Variants in CPEB3 observed in about 807,000 individuals in gnomAD.
The protein encoded by CPEB3 is cytoplasmic polyadenylation element binding protein 3, also known as cytoplasmic polyadenylation element-binding protein 3.
A neutral mutation model predicts 67.2 loss-of-function variants in CPEB3; 20 were observed. That is an observed-to-expected ratio of 0.30 (90% CI 0.21 to 0.43). The LOEUF (loss-of-function observed/expected upper bound fraction) is 0.43. CPEB3 is among the 20% of genes least tolerant of loss of function. The pLI, the probability that CPEB3 is intolerant of heterozygous loss-of-function variation, is 1.00. For synonymous variants in CPEB3, 376 were observed against 393.1 expected (o/e 0.96, Z 0.51); for missense variants, 746 against 968.6 (o/e 0.77, Z 3.05).
At chr10:92,121,175 A>AT (rs1845357640) in intron 6 of CPEB3, among the ~76,000 whole-genome samples, 3 of 150,968 alleles carry the variant, frequency 2.0e-5, no homozygotes, top group Admixed American at 1.3e-4. Context: ...CACCCAGCTA[A>AT]TTTTTTGTAT....
chr10:92,077,822 G>A (rs1033828272), intron 9 of CPEB3, among the ~76,000 whole-genome samples: 1 of 150,344 alleles, frequency 6.7e-6, no homozygotes, highest in Non-Finnish European at 1.5e-5. Flanking sequence ...GAGAGGGGAG[G>A]GGAGTGAAGG....
At chr10:92,223,804 A>G (rs1850827014) in intron 2 of CPEB3, among the ~76,000 whole-genome samples, 1 of 149,838 alleles carries the variant, frequency 6.7e-6, no homozygotes, top group African/African-American at 2.5e-5. Flanking sequence ...GCTGGAGTGC[A>G]ATGATGTGAT....
In CPEB3 at chr10:92,133,262, A is replaced by C. The variant is rs530730195; in HGVS notation, c.1453+9767T>G. 3.9e-5 allele frequency among the ~76,000 whole-genome samples: 6 copies of C among 152,320 alleles called. No individual in the cohort carries two copies. In the South Asian group the frequency reaches 1.2e-3, roughly 32 times the overall value. On this transcript the variant is annotated intron_variant, in intron 6 of 9. Coordinates refer to ENST00000265997, the MANE Select transcript of CPEB3 (RefSeq NM_014912.5). ...TTCTGAAAAGATCAACAAAATTGAT[A>C]GACTGCTAGCAAGACTAATAAAGAA... is the stretch of plus-strand genomic sequence containing the variant.
chr10:92,098,025 G>T (rs1843963543), intron 7 of CPEB3, among the ~76,000 whole-genome samples: 1 of 151,542 alleles, frequency 6.6e-6, no homozygotes, highest in African/African-American at 2.4e-5. Context: ...GTCAGGCATG[G>T]TGGTGCATGC....
intron 7 of CPEB3, among the ~76,000 whole-genome samples, chr10:92,094,911 C>T (rs895737711): frequency 1.4e-4 from 21 of 152,028 alleles, no homozygotes; most frequent in African/African-American, 3.6e-4. Flanking sequence ...AAGGCAGCTT[C>T]GGGACCTGGT....
chr10:92,252,856 A>C (rs1852357419), intron 1 of CPEB3, among the ~76,000 whole-genome samples: 1 of 152,158 alleles, frequency 6.6e-6, no homozygotes, highest in South Asian at 2.1e-4. Context: ...CATAAATTGC[A>C]TGAATGCAAT....
intron 9 of CPEB3, among the ~76,000 whole-genome samples, chr10:92,055,182 C>T (rs182515904): frequency 7.7e-4 from 117 of 152,276 alleles, no homozygotes; most frequent in Non-Finnish European, 4.1e-4. Context: ...TTTGAAAATG[C>T]AGTATTAATA....
intron 9 of CPEB3, among the ~76,000 whole-genome samples, chr10:92,063,588 C>T (rs1842438373): frequency 6.6e-6 from 1 of 151,850 alleles, no homozygotes; most frequent in South Asian, 2.1e-4. Flanking sequence ...CATGGTGAAA[C>T]CCCCGTCTCT....
intron 2 of CPEB3, among the ~76,000 whole-genome samples, chr10:92,238,461 T>A (rs750292228): frequency 3.5e-4 from 53 of 152,190 alleles, no homozygotes; most frequent in Non-Finnish European, 3.8e-4. Context: ...TTCATTAAAG[T>A]TGCAAGACTT....
rs773551839 is a variant in CPEB3, at chr10:92,192,681, T to C, written c.1006-45A>G. The C allele has an allele frequency of 3.1e-5, 45 of 1,446,914 alleles. No homozygotes were observed. In the South Asian group the frequency reaches 5.0e-4, roughly 16 times the overall value. The allele number at this position is 1,446,914 out of a possible 1,614,324, so 89.6% of individuals were successfully genotyped here. On this transcript the variant is annotated intron_variant, in intron 2 of 9. Transcript: ENST00000265997. Reference sequence around the variant, plus strand: ...CAAGACAATACATAAAATTACTTCATAAAATTAACACCATATCATTTGCTT... The same window carrying C: ...CAAGACAATACATAAAATTACTTCACAAAATTAACACCATATCATTTGCTT...
intron 2 of CPEB3, among the ~76,000 whole-genome samples, chr10:92,211,944 G>A (rs990915172): frequency 1.3e-5 from 2 of 151,146 alleles, no homozygotes; most frequent in African/African-American, 4.9e-5. Context: ...TCGACTCACT[G>A]CAACCTCCAC....
At chr10:92,168,241 G>C (rs960258555) in intron 4 of CPEB3, among the ~76,000 whole-genome samples, 1 of 152,150 alleles carries the variant, frequency 6.6e-6, no homozygotes, top group Non-Finnish European at 1.5e-5. Flanking sequence ...CTGAACTTTT[G>C]CAACATTCTG....
rs766621786 is a variant in CPEB3, at chr10:92,240,358, G to A, written c.-8C>T. 6.2e-6 allele frequency: 9 copies of A among 1,445,920 alleles called. No individual in the cohort carries two copies. Among genetic ancestry groups the A allele is most frequent in the Non-Finnish European group, 8.2e-6 (9 of 1,096,154 alleles). 89.6% of individuals were successfully genotyped at this position (1,445,920 alleles called of 1,614,324 possible). On this transcript the variant is annotated 5_prime_UTR_variant, in exon 2 of 10. Coordinates refer to ENST00000265997, the MANE Select transcript of CPEB3 (RefSeq NM_014912.5). ...CAGTAAATCATCCTGCATGGTTTGCGCAGCTGAAACGGGAAAAAAGAGAGA... is the reference window on the plus strand; with the variant it reads ...CAGTAAATCATCCTGCATGGTTTGCACAGCTGAAACGGGAAAAAAGAGAGA...
chr10:92,082,260 AT>A, intron 8 of CPEB3, among the ~76,000 whole-genome samples: 1 of 142,950 alleles, frequency 7.0e-6, no homozygotes, highest in Non-Finnish European at 1.5e-5. Context: ...TCTTCTAAAT[AT>A]GCCTTTGTTT....
chr10:92,062,410 G>A (rs1842390200), intron 9 of CPEB3, among the ~76,000 whole-genome samples: 1 of 152,092 alleles, frequency 6.6e-6, no homozygotes, highest in Non-Finnish European at 1.5e-5. Context: ...CTGCATGAAG[G>A]AGATGGGTGT....
intron 9 of CPEB3, among the ~76,000 whole-genome samples, chr10:92,052,937 G>A (rs938943044): frequency 2.0e-5 from 3 of 152,230 alleles, no homozygotes; most frequent in African/African-American, 7.2e-5. Context: ...CTTGGGAGAT[G>A]CTGTAGCTGA....
chr10:92,147,986 T>G (rs749836191), intron 4 of CPEB3, among the ~76,000 whole-genome samples: 19 of 152,128 alleles, frequency 1.2e-4, no homozygotes, highest in Non-Finnish European at 2.9e-5. Flanking sequence ...AATCCATCTC[T>G]CACTAAATCC....
At chr10:92,270,555 A>G (rs578163690) in intron 1 of CPEB3, among the ~76,000 whole-genome samples, 1 of 140,590 alleles carries the variant, frequency 7.1e-6, no homozygotes, top group East Asian at 2.1e-4. Flanking sequence ...GAGGTTTTAT[A>G]TTACTTTTTT....
At chr10:92,071,367 T>C (rs1457249945) in intron 9 of CPEB3, among the ~76,000 whole-genome samples, 1 of 152,122 alleles carries the variant, frequency 6.6e-6, no homozygotes, top group South Asian at 2.1e-4. Flanking sequence ...ATAAACAAAT[T>C]TTTCATATCT....
Sources: gnomAD v4.1 joint callset for allele counts (sites outside exome capture counted in the v4.1 genomes callset) on GRCh38, gnomAD v4.1.1 for gene constraint, MANE v1.5 for transcripts, NCBI Gene and HGNC (gene_info 2026-07-23, HGNC 2026-07-21) for gene names.